Variants in RAP1A observed in about 807,000 individuals in gnomAD.
RAP1A encodes ras-related protein Rap-1A.
RAP1A carries 6 observed loss-of-function variants against 26.4 expected under a neutral mutation model. The ratio of observed to expected loss-of-function variants is 0.23; its 90% CI spans 0.12 to 0.45. RAP1A has a LOEUF of 0.45. RAP1A is among the 20% of genes least tolerant of loss of function. The pLI is 0.99. For missense variants in RAP1A, 121 were observed against 217.2 expected (o/e 0.56, Z 2.78); for synonymous variants, 73 against 79.4 (o/e 0.92, Z 0.43).
At chr1:111,546,861 T>C (rs148286283) in intron 1 of RAP1A, among the ~76,000 whole-genome samples, 1 of 152,218 alleles carries the variant, frequency 6.6e-6, no homozygotes, top group Non-Finnish European at 1.5e-5. Flanking sequence ...GTTTTCACAG[T>C]GGCTGCACCA....
intron 1 of RAP1A, among the ~76,000 whole-genome samples, chr1:111,686,143 A>AGG (rs1661469370): frequency 6.6e-6 from 1 of 151,096 alleles, no homozygotes; most frequent in Non-Finnish European, 1.5e-5. Flanking sequence ...GGGCAAGGGG[A>AGG]GGGATAGCAT....
chr1:111,591,390 T>TGA (rs1658468588), intron 1 of RAP1A, among the ~76,000 whole-genome samples: 1 of 152,208 alleles, frequency 6.6e-6, no homozygotes, highest in Admixed American at 6.5e-5. Context: ...ATTGTTCCAT[T>TGA]ATTCAATGTC....
chr1:111,707,272 A>G (rs755507264), intron 6 of RAP1A, among the ~76,000 whole-genome samples: 3 of 152,212 alleles, frequency 2.0e-5, no homozygotes, highest in Non-Finnish European at 4.4e-5. Flanking sequence ...CATTTAAAAA[A>G]GGAAATAGGT....
chr1:111,545,709 A>G (rs1260231638), intron 1 of RAP1A, among the ~76,000 whole-genome samples: 1 of 152,152 alleles, frequency 6.6e-6, no homozygotes, highest in Non-Finnish European at 1.5e-5. Flanking sequence ...ATCTAAGGTC[A>G]CAGAGATTTA....
chr1:111,597,589 A>T (rs1427881645), intron 1 of RAP1A, among the ~76,000 whole-genome samples: 1 of 152,240 alleles, frequency 6.6e-6, no homozygotes, highest in African/African-American at 2.4e-5. Flanking sequence ...AAAAAGCGAT[A>T]TTTAAAAAAT....
intron 1 of RAP1A, among the ~76,000 whole-genome samples, chr1:111,545,498 G>T (rs1020717691): frequency 4.6e-5 from 7 of 151,686 alleles, no homozygotes; most frequent in Admixed American, 2.0e-4. Flanking sequence ...GAATTTTAAG[G>T]GTTCTTTATG....
intron 1 of RAP1A, among the ~76,000 whole-genome samples, chr1:111,651,473 AT>A (rs5777070): frequency 0.074 from 9,151 of 123,720 alleles, 362 homozygotes; most frequent in African/African-American, 0.13. Context: ...TATATATATA[AT>A]TTTTTTTTTT....
At chr1:111,712,275 CTG>C (rs1378527313) in intron 7 of RAP1A, among the ~76,000 whole-genome samples, 154 bp from the exon 8 acceptor site, 1 of 152,062 alleles carries the variant, frequency 6.6e-6, no homozygotes, top group Non-Finnish European at 1.5e-5. Flanking sequence ...TAAAATAGCA[CTG>C]TTACTGTAGC....
intron 1 of RAP1A, chr1:111,608,700 A>C (rs1309463192): frequency 1.2e-5 from 2 of 162,574 alleles, no homozygotes; most frequent in Middle Eastern, 5.9e-3. Context: ...GGAGCTGGAG[A>C]CCAGCCCGGC....
At chr1:111,561,983 T>C (rs1183697596) in intron 1 of RAP1A, among the ~76,000 whole-genome samples, 1 of 152,094 alleles carries the variant, frequency 6.6e-6, no homozygotes, top group Admixed American at 6.5e-5. Context: ...TTTAAATTTC[T>C]GCTTACGATA....
chr1:111,657,966 G>C (rs1660516121), intron 1 of RAP1A, among the ~76,000 whole-genome samples: 1 of 152,080 alleles, frequency 6.6e-6, no homozygotes, highest in South Asian at 2.1e-4. Context: ...TAATTCTGTA[G>C]TAGTCAGAAA....
chr1:111,591,882 T>G (rs547586575), intron 1 of RAP1A, among the ~76,000 whole-genome samples: 1 of 152,328 alleles, frequency 6.6e-6, no homozygotes, highest in African/African-American at 2.4e-5. Flanking sequence ...GCCCAAACAA[T>G]AATCATGAGA....
intron 1 of RAP1A, among the ~76,000 whole-genome samples, chr1:111,555,087 G>A (rs538343223): frequency 8.6e-5 from 13 of 151,958 alleles, no homozygotes; most frequent in Admixed American, 2.0e-4. Context: ...TCAGGCAGGC[G>A]GGGCACAGTG....
intron 1 of RAP1A, among the ~76,000 whole-genome samples, chr1:111,679,894 G>T (rs1463522938): frequency 6.6e-6 from 1 of 152,192 alleles, no homozygotes; most frequent in African/African-American, 2.4e-5. Context: ...CCCAGTCAGG[G>T]GCTTTATAGT....
intron 1 of RAP1A, among the ~76,000 whole-genome samples, chr1:111,668,024 C>T (rs185944652): frequency 2.1e-4 from 32 of 152,258 alleles, no homozygotes; most frequent in Non-Finnish European, 1.8e-4. Context: ...CTGCCAACTC[C>T]GAGGAAACTG....
At chr1:111,632,587 T>C (rs1467758351) in intron 1 of RAP1A, among the ~76,000 whole-genome samples, 1 of 152,000 alleles carries the variant, frequency 6.6e-6, no homozygotes, top group East Asian at 1.9e-4. Context: ...AGGTAAATTA[T>C]GGTTGAAGGA....
chr1:111,545,239 C>T (rs181205580), intron 1 of RAP1A, among the ~76,000 whole-genome samples: 150 of 152,228 alleles, frequency 9.9e-4, no homozygotes, highest in African/African-American at 2.6e-3. Context: ...TCATTCCCAC[C>T]GGCAATGTAT....
At chr1:111,663,142 G>A (rs2101162192) in intron 1 of RAP1A, among the ~76,000 whole-genome samples, 1 of 152,270 alleles carries the variant, frequency 6.6e-6, no homozygotes, top group South Asian at 2.1e-4. Context: ...TTGATCTCCT[G>A]ACCTCATGAT....
rs1340293825 is a variant in RAP1A, at chr1:111,715,468, T to G, written c.*3067T>G. On this transcript the variant is annotated 3_prime_UTR_variant, in exon 8 of 8. Transcript: ENST00000369709. ...CACAAAAAGGCATAGAGACATTCTCTCAAGAGTTTACAATCTAATTGGGCA... is the reference window on the plus strand; with the variant it reads ...CACAAAAAGGCATAGAGACATTCTCGCAAGAGTTTACAATCTAATTGGGCA... 6.6e-6 allele frequency: 1 copy of G among 152,232 alleles called. No homozygotes were observed. The highest frequency in any genetic ancestry group is 1.5e-5 in the Non-Finnish European group (1 of 68,054). The allele number at this position is 152,232 out of a possible 1,614,324, so 9.4% of individuals were successfully genotyped here. A position where few individuals can be genotyped will look rare whatever the true frequency, so the allele number is the denominator to read the frequency against.
Sources: gnomAD v4.1 joint callset for allele counts (sites outside exome capture counted in the v4.1 genomes callset) on GRCh38, gnomAD v4.1.1 for gene constraint, MANE v1.5 for transcripts, NCBI Gene and HGNC (gene_info 2026-07-23, HGNC 2026-07-21) for gene names.